The following CEP128 variants were observed in gnomAD, a reference collection of about 807,000 sequenced individuals.
CEP128 encodes the protein centrosomal protein 128kDa.
Under a neutral mutation model 156.7 loss-of-function variants are expected in CEP128, and 132 were observed. That is an observed-to-expected ratio of 0.84 (90% CI 0.73 to 0.97). CEP128 has a LOEUF of 0.97. CEP128 is among the 50% of genes least tolerant of loss of function. CEP128 has a pLI of 0.00. For synonymous variants in CEP128, 469 were observed against 448.9 expected, an observed-to-expected ratio of 1.04 and a Z score of -0.57; for missense variants, 1,252 against 1,281.9, an observed-to-expected ratio of 0.98 and a Z score of 0.36.
rs976291908 is a variant in CEP128 at position 80,824,821 on chromosome 14, C to A, written c.1209+6322G>T. Among the ~76,000 whole-genome samples, 9 of 152,208 alleles carry A rather than the reference C, an allele frequency of 5.9e-5. No individual in the cohort carries two copies. In the East Asian group the frequency reaches 1.5e-3, roughly 26 times the overall value. On this transcript the variant is annotated intron_variant, in intron 13 of 24. Transcript: ENST00000555265. ...TCCAACCCCTGCCTGTTACCCAGTT[C>A]CAAAGTTGCCTCAACATTTTTGTGT... is the stretch of plus-strand genomic sequence containing the variant.
chr14:80,758,522 CAA>C (rs56253131), intron 17 of CEP128, among the ~76,000 whole-genome samples: 195 of 115,366 alleles, frequency 1.7e-3, no homozygotes, highest in Middle Eastern at 4.8e-3. Context: ...GACTTTGTCT[CAA>C]AAAAAAAAAA....
intron 19 of CEP128, among the ~76,000 whole-genome samples, chr14:80,586,775 A>G (rs1181106176): frequency 1.3e-5 from 2 of 152,242 alleles, no homozygotes; most frequent in Non-Finnish European, 2.9e-5. Context: ...TTCAATATAC[A>G]GCACACAGAA....
rs142086596 is a variant in CEP128, at chr14:80,480,999, A to G, written c.*311-2592T>C. On this transcript the variant is annotated intron_variant and NMD_transcript_variant, in intron 14 of 14. Coordinates refer to the CEP128 transcript ENST00000554502. ...TCTAGGAAGTTCTAAACTTTCCCAC[A>G]TTTTCCTGTTTCCTTCTGAGCCCTC... Among the ~76,000 whole-genome samples the G allele has an allele frequency of 3.2e-3, 485 of 152,090 alleles. 5 individuals carry two copies. Among genetic ancestry groups the G allele is most frequent in the African/African-American group, 0.011 (467 of 41,498 alleles).
intron 20 of CEP128, among the ~76,000 whole-genome samples, chr14:80,568,892 C>G (rs1485547593): frequency 6.6e-6 from 1 of 152,130 alleles, no homozygotes; most frequent in African/African-American, 2.4e-5. Flanking sequence ...TAAAATAAAG[C>G]AGATGTATAT....
chr14:80,642,719 T>G, intron 19 of CEP128, among the ~76,000 whole-genome samples: 1 of 151,290 alleles, frequency 6.6e-6, no homozygotes, highest in East Asian at 1.9e-4. Flanking sequence ...TAAGAAATGT[T>G]TCATTAAAAG....
intron 19 of CEP128, among the ~76,000 whole-genome samples, chr14:80,724,730 CTCTTCTTGAAATT>C (rs1897946953): frequency 6.6e-6 from 1 of 151,918 alleles, no homozygotes; most frequent in South Asian, 2.1e-4. Context: ...AACTCAGACA[CTCTTCTTGAAATT>C]TCAATAAGAT....
intron 20 of CEP128, among the ~76,000 whole-genome samples, chr14:80,564,394 T>TA (rs1389635463): frequency 1.4e-4 from 22 of 152,350 alleles, no homozygotes; most frequent in Non-Finnish European, 2.9e-5. Flanking sequence ...ACAGATCAGG[T>TA]AAGGAGAAGC....
At chr14:80,617,464 T>C (rs979966927) in intron 19 of CEP128, among the ~76,000 whole-genome samples, 1 of 152,052 alleles carries the variant, frequency 6.6e-6, no homozygotes, top group Admixed American at 6.5e-5. Flanking sequence ...CTCGATCTCC[T>C]GACCTCATGA....
At chr14:80,668,176 G>C (rs1895702845) in intron 19 of CEP128, among the ~76,000 whole-genome samples, 2 of 152,100 alleles carry the variant, frequency 1.3e-5, no homozygotes, top group Non-Finnish European at 2.9e-5. Context: ...AGGAAACAAA[G>C]GCACAGTCAA....
intron 13 of CEP128, among the ~76,000 whole-genome samples, chr14:80,821,219 A>C (rs1033558316): frequency 5.9e-5 from 9 of 152,230 alleles, no homozygotes; most frequent in African/African-American, 2.2e-4. Flanking sequence ...GAAAGCAAAT[A>C]TCTAAAAAAC....
At chr14:80,514,657 T>A in intron 23 of CEP128, 1 of 408,826 alleles carries the variant, frequency 2.4e-6, no homozygotes, top group South Asian at 1.8e-5. Flanking sequence ...TGGTGCTATT[T>A]AAACAGCTAT....
intron 6 of CEP128, chr14:80,490,770 A>G (rs6574583): frequency 0.47 from 71,973 of 151,992 alleles, 18,270 homozygotes; most frequent in East Asian, 0.69. Flanking sequence ...AAAATACTCT[A>G]GTACTTCACC....
intron 8 of CEP128, among the ~76,000 whole-genome samples, chr14:80,869,385 GA>G (rs1278396975): frequency 6.6e-6 from 1 of 151,808 alleles, no homozygotes; most frequent in African/African-American, 2.4e-5. Flanking sequence ...AAAAGAAAAT[GA>G]AAAAATTCCT....
intron 19 of CEP128, among the ~76,000 whole-genome samples, chr14:80,737,069 G>T (rs74586349): frequency 2.0e-5 from 3 of 152,058 alleles, no homozygotes; most frequent in Non-Finnish European, 4.4e-5. Context: ...CTCTAAGAGC[G>T]GGCATAATTT....
At position 80,874,041 on chromosome 14, in the gene CEP128, G is replaced by A. The variant is rs192117356; in HGVS notation, c.646-11168C>T. On this transcript the variant is annotated intron_variant, in intron 8 of 24. Transcript: ENST00000555265. ...CTTTCTTTTGTAAATTGCCCAGTTC[G>A]TATGTCTTTATCAGCAGCATAAAAA... is the stretch of plus-strand genomic sequence containing the variant. Among the ~76,000 whole-genome samples the A allele has an allele frequency of 1.1e-3, 169 of 152,146 alleles. 3 individuals carry two copies. Among genetic ancestry groups the A allele is most frequent in the Admixed American group, 9.9e-3 (151 of 15,278 alleles).
chr14:80,593,248 A>G (rs1479621374), intron 19 of CEP128, among the ~76,000 whole-genome samples: 3 of 151,876 alleles, frequency 2.0e-5, no homozygotes, highest in Non-Finnish European at 4.4e-5. Flanking sequence ...TGTTTATTTA[A>G]AAAAAACCCT....
At chr14:80,773,192 T>G (rs12433838) in intron 16 of CEP128, among the ~76,000 whole-genome samples, 27 of 152,312 alleles carry the variant, frequency 1.8e-4, no homozygotes, top group Admixed American at 1.8e-3. Context: ...CTTGTATATA[T>G]AAAATGAAAA....
At chr14:80,724,784 A>C (rs1897948833) in intron 19 of CEP128, among the ~76,000 whole-genome samples, 1 of 151,900 alleles carries the variant, frequency 6.6e-6, no homozygotes, top group Non-Finnish European at 1.5e-5. Context: ...TTGCTGTTAC[A>C]AAAATATATC....
At chr14:80,842,617 G>A (rs1038424498) in intron 9 of CEP128, among the ~76,000 whole-genome samples, 6 of 151,640 alleles carry the variant, frequency 4.0e-5, no homozygotes, top group Admixed American at 1.3e-4. Flanking sequence ...AATAATAAAC[G>A]TGAACTAATT....
Sources: allele counts gnomAD v4.1 joint callset (sites outside exome capture counted in the v4.1 genomes callset), GRCh38; gene constraint gnomAD v4.1.1; transcripts MANE v1.5; gene names NCBI Gene and HGNC (gene_info 2026-07-23, HGNC 2026-07-21).